Variants in MRTFB observed in about 807,000 individuals in gnomAD.
MRTFB encodes myocardin-related transcription factor B.
In MRTFB, 29 loss-of-function variants were observed where a neutral mutation model predicts 104.2. The ratio of observed to expected loss-of-function variants is 0.28; its 90% CI spans 0.21 to 0.38. The LOEUF (loss-of-function observed/expected upper bound fraction) is 0.38, where lower values mean the gene tolerates loss of function less well. Ranked by LOEUF, MRTFB falls within the 10% of genes least tolerant of loss-of-function variation. The probability of loss-of-function intolerance (pLI) is 1.00; values close to 1 mark genes in which losing one functional copy is unlikely to be tolerated. For synonymous variants in MRTFB, 535 were observed against 519.5 expected, an observed-to-expected ratio of 1.03 and a Z score of -0.41; for missense variants, 1,270 against 1,341.6, an observed-to-expected ratio of 0.95 and a Z score of 0.83.
At chr16:14,041,935 T>A in the MRTFB span, among the ~76,000 whole-genome samples, 1 of 151,962 alleles carries the variant, frequency 6.6e-6, no homozygotes, top group East Asian at 1.9e-4. Context: ...TCAAAAAAAA[T>A]AAAATAAAAT....
chr16:14,024,005 C>G, the MRTFB span, among the ~76,000 whole-genome samples: 2 of 151,640 alleles, frequency 1.3e-5, no homozygotes, highest in African/African-American at 4.9e-5. Context: ...GAGCCAAGAT[C>G]ACACCACTGC....
chr16:14,003,928 T>C, the MRTFB span, among the ~76,000 whole-genome samples: 40,904 of 152,080 alleles, frequency 0.27, 6,884 homozygotes, highest in African/African-American at 0.47. Context: ...TCCAGATTTT[T>C]AAAAATCTCA....
chr16:14,240,691 G>C (rs1219147685), intron 10 of MRTFB: 2 of 903,158 alleles, frequency 2.2e-6, no homozygotes, highest in Admixed American at 3.4e-5. Flanking sequence ...CTCCAAAATA[G>C]GTTCTGAATT....
chr16:14,129,137 A>G (rs953397274), intron 2 of MRTFB, among the ~76,000 whole-genome samples: 2 of 152,234 alleles, frequency 1.3e-5, no homozygotes, highest in African/African-American at 4.8e-5. Flanking sequence ...TGCATGTGCC[A>G]TAGTTGTTTA....
In MRTFB at chr16:14,202,601, GA is replaced by G. The variant is rs1372514599; in HGVS notation, c.155-7635del. Among the ~76,000 whole-genome samples the G allele has an allele frequency of 2.6e-5, 4 of 151,992 alleles. No homozygotes were observed. In the South Asian group the frequency reaches 6.2e-4, roughly 24 times the overall value. Reference sequence around the variant, plus strand: ...AAAGCCTTATGGTTTTATATTTGGAGAAAAAAAGTGTTATTTTCACCAAGTG... The same window carrying G: ...AAAGCCTTATGGTTTTATATTTGGAGAAAAAAGTGTTATTTTCACCAAGTG... On this transcript the variant is annotated intron_variant, in intron 3 of 16. Transcript: ENST00000571589.
intron 15 of MRTFB, 36 bp from the exon 16 acceptor site, chr16:14,258,065 T>C: frequency 1.3e-6 from 2 of 1,585,976 alleles, no homozygotes; most frequent in Non-Finnish European, 8.7e-7. Context: ...CAGGTTTGTA[T>C]GAAAGAAACC....
intron 12 of MRTFB, 98 bp from the exon 13 acceptor site, chr16:14,248,828 A>C: frequency 7.7e-7 from 1 of 1,303,156 alleles, no homozygotes; most frequent in South Asian, 1.4e-5. Flanking sequence ...TTTCATTTAG[A>C]TACAATCCCC....
chr16:14,125,420 A>G (rs2037059095), intron 2 of MRTFB, among the ~76,000 whole-genome samples: 1 of 152,232 alleles, frequency 6.6e-6, no homozygotes, highest in African/African-American at 2.4e-5. Flanking sequence ...AATTCGGTTT[A>G]ATGGCAATCT....
chr16:14,244,721 T>C (rs1457687268), intron 10 of MRTFB, among the ~76,000 whole-genome samples: 3 of 151,948 alleles, frequency 2.0e-5, no homozygotes, highest in Non-Finnish European at 4.4e-5. Flanking sequence ...TCTGAGATTT[T>C]TCCCCCCACT....
chr16:14,201,259 A>G (rs1162387722), intron 3 of MRTFB, among the ~76,000 whole-genome samples: 3 of 152,238 alleles, frequency 2.0e-5, no homozygotes, highest in African/African-American at 4.8e-5. Context: ...TAATATCAGT[A>G]TATCCCAAGT....
At chr16:14,158,986 A>C (rs958029185) in intron 3 of MRTFB, among the ~76,000 whole-genome samples, 5 of 151,736 alleles carry the variant, frequency 3.3e-5, no homozygotes, top group African/African-American at 4.8e-5. Context: ...AAAAAAAAAA[A>C]AAAAAAAACT....
intron 15 of MRTFB, among the ~76,000 whole-genome samples, chr16:14,253,044 T>C (rs2043318451): frequency 6.6e-6 from 1 of 152,170 alleles, no homozygotes; most frequent in African/African-American, 2.4e-5. Flanking sequence ...TTCTCCTGGT[T>C]TCACCACACA....
the MRTFB span, among the ~76,000 whole-genome samples, chr16:14,047,160 G>C: frequency 6.6e-6 from 1 of 152,176 alleles, no homozygotes; most frequent in East Asian, 1.9e-4. Context: ...TGTCAATTAG[G>C]GATGCTTTTG....
At chr16:14,102,952 G>C (rs1350923445) in intron 2 of MRTFB, among the ~76,000 whole-genome samples, 1 of 152,166 alleles carries the variant, frequency 6.6e-6, no homozygotes, top group Admixed American at 6.5e-5. Flanking sequence ...CAAAGTCTTG[G>C]AGTAGAGAGA....
At chr16:13,999,119 G>A in the MRTFB span, among the ~76,000 whole-genome samples, 1 of 151,482 alleles carries the variant, frequency 6.6e-6, no homozygotes, top group African/African-American at 2.4e-5. Context: ...GAACACAGGA[G>A]GTGGAGGTTG....
chr16:14,096,800 A>G (rs1011097102), intron 2 of MRTFB, among the ~76,000 whole-genome samples: 2 of 152,218 alleles, frequency 1.3e-5, no homozygotes, highest in Non-Finnish European at 2.9e-5. Context: ...TTTTTAAAAA[A>G]TCATTTTGGG....
At chr16:14,165,215 C>G (rs1225338692) in intron 3 of MRTFB, among the ~76,000 whole-genome samples, 1 of 151,882 alleles carries the variant, frequency 6.6e-6, no homozygotes, top group East Asian at 1.9e-4. Context: ...TCCTCATGAC[C>G]AGTTGAGGAT....
chr16:14,034,027 C>G, the MRTFB span, among the ~76,000 whole-genome samples: 1 of 152,122 alleles, frequency 6.6e-6, no homozygotes, highest in African/African-American at 2.4e-5. Context: ...TTGGCATCAT[C>G]AGGTTGTCCG....
At chr16:14,244,053 A>G (rs1229479559) in intron 10 of MRTFB, among the ~76,000 whole-genome samples, 2 of 151,562 alleles carry the variant, frequency 1.3e-5, no homozygotes, top group East Asian at 3.9e-4. Context: ...AATTTTTTGT[A>G]TTTTTAAGTA....
Sources: allele counts gnomAD v4.1 joint callset (sites outside exome capture counted in the v4.1 genomes callset), GRCh38; gene constraint gnomAD v4.1.1; transcripts MANE v1.5; gene names NCBI Gene and HGNC (gene_info 2026-07-23, HGNC 2026-07-21).